RANBP2: variants seen among roughly 807,000 people sequenced by gnomAD.
RANBP2 encodes the protein E3 SUMO-protein ligase RanBP2.
RANBP2 carries 57 observed loss-of-function variants against 303.6 expected under a neutral mutation model. The ratio of observed to expected loss-of-function variants is 0.19; its 90% CI spans 0.15 to 0.23. The LOEUF is 0.23. RANBP2 is among the 10% of genes least tolerant of loss of function. RANBP2 has a pLI of 1.00. For synonymous variants in RANBP2, 1,167 were observed against 1,301.5 expected (o/e 0.90, Z 2.23); for missense variants, 3,138 against 3,780.8 (o/e 0.83, Z 4.46).
chr2:108,779,006 A>G (rs1243277212), intron 25 of RANBP2, among the ~76,000 whole-genome samples: 1 of 152,188 alleles, frequency 6.6e-6, no homozygotes, highest in Non-Finnish European at 1.5e-5. Flanking sequence ...CTGGGATTGT[A>G]GGCATGAGCC....
At chr2:109,700,621 C>T in the RANBP2 span, among the ~76,000 whole-genome samples, 8 of 151,986 alleles carry the variant, frequency 5.3e-5, no homozygotes, top group Non-Finnish European at 1.0e-4. Context: ...GCAGGTTTTC[C>T]CTAAGCAGTC....
At chr2:108,739,228 C>T (rs1207710786) in intron 6 of RANBP2, among the ~76,000 whole-genome samples, 3 of 151,838 alleles carry the variant, frequency 2.0e-5, no homozygotes, top group African/African-American at 4.8e-5. Flanking sequence ...ATGGTGAAAC[C>T]TTGTCTCTAC....
chr2:109,575,786 A>G, the RANBP2 span, among the ~76,000 whole-genome samples: 1 of 152,248 alleles, frequency 6.6e-6, no homozygotes, highest in South Asian at 2.1e-4. Flanking sequence ...TACCTTGAGC[A>G]GCTGAGGTAC....
chr2:109,040,294 G>C, the RANBP2 span, among the ~76,000 whole-genome samples: 3 of 152,078 alleles, frequency 2.0e-5, no homozygotes, highest in African/African-American at 7.2e-5. Context: ...TCTCCATTCT[G>C]TTCCATTGGC....
the RANBP2 span, among the ~76,000 whole-genome samples, chr2:109,238,239 T>A: frequency 6.6e-6 from 1 of 151,852 alleles, no homozygotes; most frequent in Non-Finnish European, 1.5e-5. Context: ...TTATGAAGAC[T>A]AATTCAATAG....
At chr2:109,132,196 C>T in the RANBP2 span, among the ~76,000 whole-genome samples, 1 of 152,028 alleles carries the variant, frequency 6.6e-6, no homozygotes, top group African/African-American at 2.4e-5. Flanking sequence ...TATTACAGTC[C>T]CATCATTTTC....
the RANBP2 span, among the ~76,000 whole-genome samples, chr2:109,274,912 A>G: frequency 6.6e-6 from 1 of 151,852 alleles, no homozygotes; most frequent in Non-Finnish European, 1.5e-5. Context: ...GCTGCACAAC[A>G]TTGTGAATGT....
the RANBP2 span, among the ~76,000 whole-genome samples, chr2:109,652,284 G>A: frequency 2.0e-5 from 3 of 151,406 alleles, no homozygotes; most frequent in Non-Finnish European, 4.4e-5. Flanking sequence ...GCGCAGTGGC[G>A]CCATCTCGGC....
the RANBP2 span, among the ~76,000 whole-genome samples, chr2:109,126,181 T>C: frequency 6.6e-6 from 1 of 152,240 alleles, no homozygotes; most frequent in Non-Finnish European, 1.5e-5. Flanking sequence ...GTTAATTTCA[T>C]GCCCTGCCCA....
rs564464089 is a variant in RANBP2 at position 108,754,386 on chromosome 2, T to G, written c.2202+415T>G. Among the ~76,000 whole-genome samples, 680 of 151,570 alleles carry G rather than the reference T, an allele frequency of 4.5e-3. 5 individuals carry two copies. The highest frequency in any genetic ancestry group is 0.016 in the African/African-American group (649 of 40,848). On this transcript the variant is annotated intron_variant, in intron 15 of 28. Coordinates refer to ENST00000283195, the MANE Select transcript of RANBP2 (RefSeq NM_006267.5). ...ATTGTGAACGCCCTTGTTTTCTTGC[T>G]GTCAGCTGTTTGAGATTGTCATGAT...
chr2:109,352,677 G>GT, the RANBP2 span, among the ~76,000 whole-genome samples: 2 of 152,184 alleles, frequency 1.3e-5, no homozygotes, highest in African/African-American at 2.4e-5. Context: ...CAGGGAACCA[G>GT]TTCTCCTTTT....
the RANBP2 span, among the ~76,000 whole-genome samples, chr2:108,872,572 G>C: frequency 6.6e-6 from 1 of 152,078 alleles, no homozygotes; most frequent in African/African-American, 2.4e-5. Flanking sequence ...CTTTAATGGC[G>C]TATATTCTAG....
chr2:109,065,362 G>T, the RANBP2 span, among the ~76,000 whole-genome samples: 1 of 152,102 alleles, frequency 6.6e-6, no homozygotes, highest in Admixed American at 6.5e-5. Flanking sequence ...GATTCTGACG[G>T]CTTTTGCTTA....
the RANBP2 span, among the ~76,000 whole-genome samples, chr2:109,696,082 G>A: frequency 1.3e-5 from 2 of 151,964 alleles, no homozygotes; most frequent in African/African-American, 4.8e-5. Context: ...TCCTGCCTCA[G>A]CCTCCCAAGT....
At chr2:109,147,946 A>C in the RANBP2 span, among the ~76,000 whole-genome samples, 2 of 152,082 alleles carry the variant, frequency 1.3e-5, no homozygotes, top group African/African-American at 4.8e-5. Context: ...AGTTTTGGGG[A>C]CTAGCTCATT....
chr2:108,816,557 G>T, the RANBP2 span, among the ~76,000 whole-genome samples: 2 of 152,174 alleles, frequency 1.3e-5, no homozygotes, highest in African/African-American at 4.8e-5. Context: ...ATGGCTGGGG[G>T]CTGAGTGTGC....
At chr2:109,437,096 G>A in the RANBP2 span, 23 of 1,613,240 alleles carry the variant, frequency 1.4e-5, no homozygotes, top group East Asian at 2.2e-5. Context: ...AGCTGTCTAC[G>A]GCACTCAGCC....
the RANBP2 span, among the ~76,000 whole-genome samples, chr2:108,809,473 TG>T: frequency 6.6e-6 from 1 of 151,946 alleles, no homozygotes; most frequent in African/African-American, 2.4e-5. Context: ...TGTGTGTGTG[TG>T]TGTGTGTGTG....
chr2:109,451,436 G>A, the RANBP2 span, among the ~76,000 whole-genome samples: 4 of 152,188 alleles, frequency 2.6e-5, no homozygotes, highest in Non-Finnish European at 5.9e-5. Context: ...AGTTCCTTAA[G>A]CATTTCTAGT....
Sources: allele counts gnomAD v4.1 joint callset (sites outside exome capture counted in the v4.1 genomes callset), GRCh38; gene constraint gnomAD v4.1.1; transcripts MANE v1.5; gene names NCBI Gene and HGNC (gene_info 2026-07-23, HGNC 2026-07-21).